Variants in RBFOX1 observed in about 807,000 individuals in gnomAD.
RBFOX1 encodes RNA binding protein fox-1 homolog 1.
RBFOX1 carries 8 observed loss-of-function variants against 57.7 expected under a neutral mutation model. That is an observed-to-expected ratio of 0.14 (90% CI 0.08 to 0.25). The LOEUF (loss-of-function observed/expected upper bound fraction) is 0.25. Ranked by LOEUF, RBFOX1 falls within the 10% of genes least tolerant of loss-of-function variation. The probability of loss-of-function intolerance (pLI) is 1.00; values close to 1 mark genes in which losing one functional copy is unlikely to be tolerated. For missense variants in RBFOX1, 611 were observed against 548.5 expected, an observed-to-expected ratio of 1.11 and a Z score of -1.14; for synonymous variants, 326 against 222.4, an observed-to-expected ratio of 1.47 and a Z score of -4.15.
At chr16:5,349,621 C>T (rs113649195) in intron 1 of RBFOX1, among the ~76,000 whole-genome samples, 1 of 152,192 alleles carries the variant, frequency 6.6e-6, no homozygotes, top group Non-Finnish European at 1.5e-5. Context: ...TTCAGTGAGC[C>T]AGACCATGCC....
chr16:7,453,736 A>T (rs1342237560), intron 4 of RBFOX1, among the ~76,000 whole-genome samples: 1 of 152,186 alleles, frequency 6.6e-6, no homozygotes, highest in African/African-American at 2.4e-5. Flanking sequence ...CAATGCACAG[A>T]CTAAGGAGAT....
chr16:7,215,615 C>A (rs7197129), intron 4 of RBFOX1, among the ~76,000 whole-genome samples: 1 of 151,914 alleles, frequency 6.6e-6, no homozygotes, highest in Non-Finnish European at 1.5e-5. Context: ...TTTACACCAT[C>A]TTTATAACCC....
intron 3 of RBFOX1, among the ~76,000 whole-genome samples, chr16:6,904,161 G>T (rs757822306): frequency 6.6e-6 from 1 of 152,204 alleles, no homozygotes. Context: ...AGAAATGAAA[G>T]CTCTGTGTCT....
In RBFOX1 at chr16:6,935,134, G is replaced by A. The variant is rs148101054; in HGVS notation, c.-15-116923G>A. Among the ~76,000 whole-genome samples the A allele has an allele frequency of 4.3e-4, 66 of 152,122 alleles. No homozygotes were observed. The East Asian group carries it at 0.011, about 24-fold the overall frequency. ...AAAAAACAGCTTATTTAACCTATTCGAGTGACCTTGAGCTATATGCCTATC... is the reference window on the plus strand; with the variant it reads ...AAAAAACAGCTTATTTAACCTATTCAAGTGACCTTGAGCTATATGCCTATC... On this transcript the variant is annotated intron_variant, in intron 3 of 15. Coordinates refer to ENST00000550418, the MANE Select transcript of RBFOX1 (RefSeq NM_018723.4).
intron 5 of RBFOX1, among the ~76,000 whole-genome samples, chr16:7,572,143 T>A (rs1338929147): frequency 6.6e-6 from 1 of 152,084 alleles, no homozygotes; most frequent in East Asian, 1.9e-4. Context: ...AAACTGATGG[T>A]TATTAATACT....
chr16:7,029,579 C>T (rs1027444459), intron 3 of RBFOX1, among the ~76,000 whole-genome samples: 1 of 152,048 alleles, frequency 6.6e-6, no homozygotes, highest in African/African-American at 2.4e-5. Context: ...AGGAGAGTAA[C>T]TTGGACATGA....
chr16:6,719,744 C>A (rs1411897059), intron 3 of RBFOX1, among the ~76,000 whole-genome samples: 1 of 151,916 alleles, frequency 6.6e-6, no homozygotes, highest in Admixed American at 6.6e-5. Context: ...CCGCACTTGG[C>A]CAAAATGATG....
intron 2 of RBFOX1, among the ~76,000 whole-genome samples, chr16:6,582,978 A>C (rs1197235411): frequency 3.5e-5 from 5 of 144,846 alleles, no homozygotes; most frequent in African/African-American, 5.2e-5. Context: ...TTAATTCTGG[A>C]CCTCCCTCTT....
chr16:6,510,723 G>A (rs1430424665), intron 2 of RBFOX1, among the ~76,000 whole-genome samples: 2 of 152,030 alleles, frequency 1.3e-5, no homozygotes, highest in Non-Finnish European at 2.9e-5. Context: ...CCAAATCTGG[G>A]CACAGAGAAA....
intron 3 of RBFOX1, among the ~76,000 whole-genome samples, chr16:6,977,132 G>GATCTATATTATC (rs2087192622): frequency 1.5e-5 from 2 of 130,104 alleles, no homozygotes. Context: ...TCATATATAT[G>GATCTATATTATC]ATATATATTA....
intron 1 of RBFOX1, among the ~76,000 whole-genome samples, chr16:6,252,805 T>C (rs1311468079): frequency 6.6e-6 from 1 of 152,140 alleles, no homozygotes; most frequent in Non-Finnish European, 1.5e-5. Flanking sequence ...TAGCAAACAG[T>C]TCCTGATAAC....
chr16:5,440,423 T>A (rs577135266), intron 1 of RBFOX1, among the ~76,000 whole-genome samples: 8 of 152,336 alleles, frequency 5.3e-5, no homozygotes, highest in African/African-American at 1.7e-4. Flanking sequence ...TTGTTTTGGT[T>A]GAAAAAAAAT....
chr16:7,459,341 G>A (rs1006572955), intron 4 of RBFOX1, among the ~76,000 whole-genome samples: 4 of 152,176 alleles, frequency 2.6e-5, no homozygotes, highest in African/African-American at 4.8e-5. Context: ...CTTGGCATGG[G>A]CAATTGTTAC....
intron 3 of RBFOX1, among the ~76,000 whole-genome samples, chr16:6,921,267 T>C (rs374838262): frequency 8.4e-4 from 128 of 152,336 alleles, no homozygotes; most frequent in Admixed American, 2.3e-3. Flanking sequence ...ACAATGTCTA[T>C]GGGTTAAAAT....
intron 4 of RBFOX1, among the ~76,000 whole-genome samples, chr16:7,222,020 C>A (rs564871741): frequency 1.3e-5 from 2 of 152,282 alleles, no homozygotes; most frequent in African/African-American, 2.4e-5. Context: ...TATTAGCCAG[C>A]CTGTCAGTCA....
chr16:5,259,525 G>A (rs1169970547), intron 1 of RBFOX1, among the ~76,000 whole-genome samples: 2 of 152,218 alleles, frequency 1.3e-5, no homozygotes, highest in Non-Finnish European at 2.9e-5. Flanking sequence ...ACTCCTTGAT[G>A]TCTGGGTCAT....
chr16:6,320,386 G>C (rs1005961908), intron 2 of RBFOX1, among the ~76,000 whole-genome samples: 2 of 152,074 alleles, frequency 1.3e-5, no homozygotes, highest in African/African-American at 2.4e-5. Context: ...GGCACTGCTT[G>C]GGTGATGGGT....
chr16:7,605,817 C>G (rs1162816353), intron 9 of RBFOX1, among the ~76,000 whole-genome samples: 1 of 152,178 alleles, frequency 6.6e-6, no homozygotes, highest in East Asian at 1.9e-4. Context: ...GGACTACACA[C>G]CTTACCCTCC....
At chr16:6,951,815 C>T (rs1355516944) in intron 3 of RBFOX1, among the ~76,000 whole-genome samples, 3 of 152,130 alleles carry the variant, frequency 2.0e-5, no homozygotes, top group Non-Finnish European at 4.4e-5. Flanking sequence ...CTCACTGCAA[C>T]CTCCGCCTCC....
Sources: allele counts gnomAD v4.1 joint callset (sites outside exome capture counted in the v4.1 genomes callset), GRCh38; gene constraint gnomAD v4.1.1; transcripts MANE v1.5; gene names NCBI Gene and HGNC (gene_info 2026-07-23, HGNC 2026-07-21).